The following ST6GALNAC3 variants were observed in gnomAD, a reference collection of about 807,000 sequenced individuals.
The protein encoded by ST6GALNAC3 is ST6 N-acetylgalactosaminide alpha-2,6-sialyltransferase 3, also known as alpha-N-acetylgalactosaminide alpha-2,6-sialyltransferase 3.
A neutral mutation model predicts 32.7 loss-of-function variants in ST6GALNAC3; 25 were observed. The observed-to-expected ratio is 0.76, with a 90% CI of 0.56 to 1.07. The LOEUF (loss-of-function observed/expected upper bound fraction) is 1.07, where lower values mean the gene tolerates loss of function less well. ST6GALNAC3 is among the 50% of genes least tolerant of loss of function. The pLI is 0.00. For synonymous variants in ST6GALNAC3, 129 were observed against 133.1 expected (o/e 0.97, Z 0.21); for missense variants, 355 against 382.4 (o/e 0.93, Z 0.60).
intron 1 of ST6GALNAC3, among the ~76,000 whole-genome samples, chr1:76,276,775 A>G (rs945003131): frequency 6.6e-6 from 1 of 152,240 alleles, no homozygotes; most frequent in Admixed American, 6.5e-5. Flanking sequence ...TATTTTCAAT[A>G]TAAGTAGAAT....
At chr1:76,235,487 A>C (rs1435056568) in intron 1 of ST6GALNAC3, among the ~76,000 whole-genome samples, 1 of 152,152 alleles carries the variant, frequency 6.6e-6, no homozygotes, top group African/African-American at 2.4e-5. Flanking sequence ...AGCCTGGGCA[A>C]CAGAGCAAGA....
At chr1:76,520,507 T>A (rs1662457390) in intron 3 of ST6GALNAC3, among the ~76,000 whole-genome samples, 1 of 151,798 alleles carries the variant, frequency 6.6e-6, no homozygotes, top group African/African-American at 2.4e-5. Context: ...CACACAATAA[T>A]AAACATACTG....
intron 2 of ST6GALNAC3, among the ~76,000 whole-genome samples, chr1:76,335,259 AT>A (rs1647368514): frequency 1.3e-5 from 2 of 152,112 alleles, no homozygotes; most frequent in Admixed American, 1.3e-4. Flanking sequence ...AATTTGTATG[AT>A]TATTGTGTAC....
At chr1:76,117,155 G>C (rs1648534837) in intron 1 of ST6GALNAC3, among the ~76,000 whole-genome samples, 1 of 152,116 alleles carries the variant, frequency 6.6e-6, no homozygotes, top group East Asian at 1.9e-4. Flanking sequence ...TTCTCTATAT[G>C]TGCAGGTATT....
intron 1 of ST6GALNAC3, among the ~76,000 whole-genome samples, chr1:76,158,073 CTGA>C (rs761093191): frequency 6.6e-6 from 1 of 152,210 alleles, no homozygotes; most frequent in Non-Finnish European, 1.5e-5. Flanking sequence ...AGGAAGCCAT[CTGA>C]TAAATATTTT....
chr1:76,429,882 C>T (rs1557879471), intron 3 of ST6GALNAC3, among the ~76,000 whole-genome samples: 1 of 152,130 alleles, frequency 6.6e-6, no homozygotes, highest in African/African-American at 2.4e-5. Context: ...ACTTTTCTAC[C>T]ATTCCTTTTA....
chr1:76,342,504 G>A (rs1355418683), intron 2 of ST6GALNAC3, among the ~76,000 whole-genome samples: 1 of 151,164 alleles, frequency 6.6e-6, no homozygotes, highest in African/African-American at 2.4e-5. Context: ...CTGCATAAAT[G>A]TCTTCTTTTG....
At position 76,634,102 on chromosome 1, in the gene ST6GALNAC3, G is replaced by A. The variant is rs796340239; in HGVS notation, c.*5296G>A. The A allele has an allele frequency of 2.1e-6, 2 of 971,226 alleles. No individual in the cohort carries two copies. Among genetic ancestry groups the A allele is most frequent in the African/African-American group, 1.8e-5 (1 of 56,572 alleles). 60.2% of individuals were successfully genotyped at this position (971,226 alleles called of 1,614,324 possible). A position where few individuals can be genotyped will look rare whatever the true frequency, so the allele number is the denominator to read the frequency against. On this transcript the variant is annotated 3_prime_UTR_variant, in exon 5 of 5. Coordinates refer to ENST00000328299, the MANE Select transcript of ST6GALNAC3 (RefSeq NM_152996.4). ...TTTCAGAATAGGCACTTTTTTTTGAGTAGAAAACCTCTTCTTTCTCCACAG... is the reference window on the plus strand; with the variant it reads ...TTTCAGAATAGGCACTTTTTTTTGAATAGAAAACCTCTTCTTTCTCCACAG...
chr1:76,546,338 A>G (rs1052421500), intron 3 of ST6GALNAC3, among the ~76,000 whole-genome samples: 2 of 152,172 alleles, frequency 1.3e-5, no homozygotes, highest in Non-Finnish European at 2.9e-5. Flanking sequence ...TGGTGCTAGT[A>G]GTGGGATCAC....
chr1:76,194,240 T>A (rs894755716), intron 1 of ST6GALNAC3, among the ~76,000 whole-genome samples: 2 of 152,178 alleles, frequency 1.3e-5, no homozygotes, highest in Admixed American at 6.5e-5. Context: ...ATATACTTTC[T>A]GTTTGGAAGA....
intron 3 of ST6GALNAC3, among the ~76,000 whole-genome samples, chr1:76,546,990 A>G (rs1447713656): frequency 6.6e-6 from 1 of 152,258 alleles, no homozygotes; most frequent in Non-Finnish European, 1.5e-5. Context: ...TAGTTTAGCT[A>G]CAGAAAGCTA....
intron 3 of ST6GALNAC3, among the ~76,000 whole-genome samples, chr1:76,614,078 C>T (rs1456283776): frequency 6.6e-6 from 1 of 152,204 alleles, no homozygotes; most frequent in African/African-American, 2.4e-5. Context: ...TAGGAACAGG[C>T]TGCATTCCAA....
chr1:76,460,051 A>T (rs1169988094), intron 3 of ST6GALNAC3, among the ~76,000 whole-genome samples: 1 of 152,210 alleles, frequency 6.6e-6, no homozygotes, highest in African/African-American at 2.4e-5. Flanking sequence ...TTTATTGAAG[A>T]TCTGTCAAAT....
intron 3 of ST6GALNAC3, among the ~76,000 whole-genome samples, chr1:76,479,931 G>A (rs1659614725): frequency 1.3e-5 from 2 of 151,870 alleles, no homozygotes; most frequent in African/African-American, 4.8e-5. Context: ...AAAATAAAAA[G>A]CAAATAATCT....
intron 1 of ST6GALNAC3, among the ~76,000 whole-genome samples, chr1:76,203,526 T>TAA (rs1553165000): frequency 7.1e-6 from 1 of 140,604 alleles, no homozygotes; most frequent in Non-Finnish European, 1.6e-5. Flanking sequence ...ACTTGTGTAT[T>TAA]TTTTTTGGAA....
chr1:76,162,315 G>A (rs138866824), intron 1 of ST6GALNAC3, among the ~76,000 whole-genome samples: 2 of 152,288 alleles, frequency 1.3e-5, no homozygotes, highest in African/African-American at 4.8e-5. Context: ...TGTTGCATGC[G>A]CATTCTCCGT....
At chr1:76,599,374 GCACCCATC>G (rs1647184691) in intron 3 of ST6GALNAC3, among the ~76,000 whole-genome samples, 1 of 151,998 alleles carries the variant, frequency 6.6e-6, no homozygotes, top group African/African-American at 2.4e-5. Flanking sequence ...GTGGTTTTCT[GCACCCATC>G]CACCCATTAT....
chr1:76,116,239 G>T (rs1648468734), intron 1 of ST6GALNAC3, among the ~76,000 whole-genome samples: 1 of 152,170 alleles, frequency 6.6e-6, no homozygotes, highest in Non-Finnish European at 1.5e-5. Context: ...CAGGAGCTCA[G>T]TGAGGGAAGG....
intron 1 of ST6GALNAC3, among the ~76,000 whole-genome samples, chr1:76,206,598 G>A (rs1654837402): frequency 6.6e-6 from 1 of 152,006 alleles, no homozygotes; most frequent in Admixed American, 6.5e-5. Context: ...CATGGTGGCG[G>A]GTGCCTGTAG....
Sources: allele counts gnomAD v4.1 joint callset (sites outside exome capture counted in the v4.1 genomes callset), GRCh38; gene constraint gnomAD v4.1.1; transcripts MANE v1.5; gene names NCBI Gene and HGNC (gene_info 2026-07-23, HGNC 2026-07-21).